Variants in CLIP1 observed in about 807,000 individuals in gnomAD.
CLIP1 encodes CAP-Gly domain-containing linker protein 1.
Under a neutral mutation model 161.6 loss-of-function variants are expected in CLIP1, and 66 were observed. The observed-to-expected ratio is 0.41, with a 90% CI of 0.33 to 0.50. The LOEUF (loss-of-function observed/expected upper bound fraction) is 0.50. Ranked by LOEUF, CLIP1 falls within the 20% of genes least tolerant of loss-of-function variation. The probability of loss-of-function intolerance (pLI) is 0.27; values close to 1 mark genes in which losing one functional copy is unlikely to be tolerated. For missense variants in CLIP1, 1,376 were observed against 1,702.0 expected (o/e 0.81, Z 3.37); for synonymous variants, 598 against 626.2 (o/e 0.96, Z 0.67).
rs373461129 is a variant in CLIP1, at chr12:122,341,234, G to A, written c.1970C>T (p.Ala657Val). 1.9e-5 allele frequency: 30 copies of A among 1,614,016 alleles called. No homozygotes were observed. Among genetic ancestry groups the A allele is most frequent in the African/African-American group, 1.7e-4 (13 of 74,992 alleles). The stretch of plus-strand genomic sequence containing the variant: ...TTTCTCTATTTGTGTTTTTAGTTCA[G>A]CAAATTCTGCCGTCTCTGTTCCAAG... ...KGLGTETAEFAELKTQIEKMR... is the reference protein window; with the variant it reads ...KGLGTETAEFVELKTQIEKMR... Residue 657 changes from alanine (A) to valine (V), a missense_variant, in exon 11 of 26, where the codon GCT (alanine) becomes GTT (valine). By Grantham distance (64) the Ala-to-Val change is moderately conservative (BLOSUM62 0). Coordinates refer to ENST00000620786, the MANE Select transcript of CLIP1 (RefSeq NM_001247997.2).
Position 122,273,100 on chromosome 12 carries a change from A to G in CLIP1, c.4092T>C (p.Ser1364=). 2.5e-6 allele frequency: 4 copies of G among 1,612,636 alleles called. No individual in the cohort carries two copies. The highest frequency in any genetic ancestry group is 3.4e-6 in the Non-Finnish European group (4 of 1,178,816). The change falls in exon 26 of 26, where the codon AGT becomes AGC. Residue 1364 remains serine, a splice_region_variant and synonymous_variant. Transcript: ENST00000620786. ...TCTTGGACTGTTTCTCCTGATCATCACTACAAATGTTAATGTGTGAAATCA... is the reference window on the plus strand; with the variant it reads ...TCTTGGACTGTTTCTCCTGATCATCGCTACAAATGTTAATGTGTGAAATCA... The part of the protein sequence containing the change: ...GNGDDLNNYD[S]DDQEKQSKKK...
At chr12:122,398,941 C>CAAA (rs1378715206) in intron 1 of CLIP1, among the ~76,000 whole-genome samples, 1 of 40,040 alleles carries the variant, frequency 2.5e-5, no homozygotes, top group South Asian at 1.0e-3. Context: ...GACCAGATAT[C>CAAA]CAAAAAAAAA....
At chr12:122,391,361 G>A (rs1047039464) in intron 1 of CLIP1, among the ~76,000 whole-genome samples, 5 of 149,930 alleles carry the variant, frequency 3.3e-5, no homozygotes, top group Admixed American at 2.0e-4. Flanking sequence ...TGAGGCAGGT[G>A]GATCACCTGA....
At chr12:122,275,867 G>A (rs560617633) in intron 24 of CLIP1, 7 of 152,326 alleles carry the variant, frequency 4.6e-5, no homozygotes, top group African/African-American at 7.2e-5. Flanking sequence ...CCCAACCTAG[G>A]AGAGACAGCC....
chr12:122,295,347 G>A (rs1039491098), intron 20 of CLIP1, among the ~76,000 whole-genome samples: 2 of 152,098 alleles, frequency 1.3e-5, no homozygotes, highest in African/African-American at 4.8e-5. Flanking sequence ...TCCAGCCTGG[G>A]GAACAGAGTG....
chr12:122,321,242 C>CTT (rs139695589), intron 17 of CLIP1, among the ~76,000 whole-genome samples: 3 of 142,986 alleles, frequency 2.1e-5, no homozygotes, highest in Non-Finnish European at 4.6e-5. Flanking sequence ...CAATTTATTG[C>CTT]TTTTTTTTTT....
At chr12:122,332,164 G>A (rs1033675698) in intron 15 of CLIP1, among the ~76,000 whole-genome samples, 9 of 151,806 alleles carry the variant, frequency 5.9e-5, no homozygotes, top group East Asian at 2.0e-4. Flanking sequence ...GCATGGTGGT[G>A]CAAGCCTGTA....
chr12:122,305,345 C>G (rs1471303660), intron 20 of CLIP1, among the ~76,000 whole-genome samples: 1 of 152,192 alleles, frequency 6.6e-6, no homozygotes, highest in Non-Finnish European at 1.5e-5. Flanking sequence ...GCTGAAGGAT[C>G]CCTTGAGCCC....
At position 122,355,399 on chromosome 12, in the gene CLIP1, C is replaced by G; in HGVS notation, c.1006-87G>C. 1 of 1,266,690 alleles carries G rather than the reference C, an allele frequency of 7.9e-7. No homozygotes were observed. The allele number at this position is 1,266,690 out of a possible 1,614,324, so 78.5% of individuals were successfully genotyped here. A position where few individuals can be genotyped will look rare whatever the true frequency, so the allele number is the denominator to read the frequency against. On this transcript the variant is annotated intron_variant, in intron 5 of 25. Coordinates refer to ENST00000620786, the MANE Select transcript of CLIP1 (RefSeq NM_001247997.2). This position sits in a 1 kb window ranked among gnomAD's most constrained non-coding sequence, Gnocchi z 4.1. ...GATGCATGCATGGCGGGCATCTGCTCGGCAAAGCAAGGGCGCTGCTCCAGC... is the reference window on the plus strand; with the variant it reads ...GATGCATGCATGGCGGGCATCTGCTGGGCAAAGCAAGGGCGCTGCTCCAGC...
chr12:122,331,264 C>T (rs893903112), intron 15 of CLIP1, among the ~76,000 whole-genome samples: 24 of 152,054 alleles, frequency 1.6e-4, no homozygotes, highest in African/African-American at 5.3e-4. Flanking sequence ...CCGCCTACCT[C>T]GGCCTCCCAA....
At chr12:122,372,566 A>G (rs916816666) in intron 3 of CLIP1, among the ~76,000 whole-genome samples, 6 of 151,976 alleles carry the variant, frequency 3.9e-5, no homozygotes, top group African/African-American at 1.5e-4. Context: ...CAGCTGGGCA[A>G]AAGAGCGAGA....
chr12:122,325,052 T>A (rs1951656593), intron 17 of CLIP1, among the ~76,000 whole-genome samples: 1 of 129,512 alleles, frequency 7.7e-6, no homozygotes, highest in African/African-American at 3.1e-5. Flanking sequence ...TGCAATGATA[T>A]AATTTTTTTT....
chr12:122,360,410 CA>C (rs34294939), intron 5 of CLIP1, among the ~76,000 whole-genome samples: 53,963 of 87,588 alleles, frequency 0.62, 13,748 homozygotes, highest in East Asian at 0.75. Context: ...CCTCTCTCTA[CA>C]AAAAAAAAAA....
chr12:122,415,111 G>C (rs1956691724), intron 1 of CLIP1, among the ~76,000 whole-genome samples: 1 of 151,956 alleles, frequency 6.6e-6, no homozygotes, highest in Non-Finnish European at 1.5e-5. Context: ...GCTGTTAATA[G>C]TTTAAAGCCT....
rs1164784504 is a variant in CLIP1, at chr12:122,401,994, G to A, written c.-107+20527C>T. On this transcript the variant is annotated intron_variant, in intron 1 of 25. Coordinates refer to ENST00000620786, the MANE Select transcript of CLIP1 (RefSeq NM_001247997.2). ...CCTGGGCAACAAGAGCAAAACTCCC[G>A]CTCAAAAAAAAAAAAAGTGTGAGTC... Among the ~76,000 whole-genome samples, 43 of 147,514 alleles carry A rather than the reference G, an allele frequency of 2.9e-4. 1 individual carries two copies. Among genetic ancestry groups the A allele is most frequent in the Admixed American group, 6.7e-4 (10 of 14,908 alleles).
intron 3 of CLIP1, among the ~76,000 whole-genome samples, chr12:122,364,374 C>T (rs1954021458): frequency 6.6e-6 from 1 of 151,496 alleles, no homozygotes; most frequent in Non-Finnish European, 1.5e-5. Context: ...AGGCTGTTCA[C>T]CAAGTTCATT....
chr12:122,387,174 G>A (rs1451958037), intron 1 of CLIP1, among the ~76,000 whole-genome samples: 2 of 152,152 alleles, frequency 1.3e-5, no homozygotes, highest in African/African-American at 4.8e-5. Context: ...TTACAGGCGT[G>A]CACCACCGTG....
At chr12:122,401,193 G>A (rs933920389) in intron 1 of CLIP1, among the ~76,000 whole-genome samples, 10 of 152,194 alleles carry the variant, frequency 6.6e-5, no homozygotes, top group African/African-American at 1.9e-4. Flanking sequence ...TTACAGACAT[G>A]AGCCACCACG....
chr12:122,419,208 T>C (rs1432510846), intron 1 of CLIP1, among the ~76,000 whole-genome samples: 1 of 151,530 alleles, frequency 6.6e-6, no homozygotes, highest in Non-Finnish European at 1.5e-5. Flanking sequence ...CCAGCTCTAG[T>C]AAAAATACAA....
Sources: allele counts gnomAD v4.1 joint callset (sites outside exome capture counted in the v4.1 genomes callset), GRCh38; gene constraint gnomAD v4.1.1; non-coding constraint Gnocchi (gnomAD v3.1); transcripts MANE v1.5; gene names NCBI Gene and HGNC (gene_info 2026-07-23, HGNC 2026-07-21).